The following RAD51B variants were observed in gnomAD, a reference collection of about 807,000 sequenced individuals.
RAD51B encodes RAD51 paralog B.
Under a neutral mutation model 42.2 loss-of-function variants are expected in RAD51B, and 38 were observed. The observed-to-expected ratio is 0.90, with a 90% CI of 0.70 to 1.18. The LOEUF is 1.18. Among genes scored for constraint, RAD51B ranks in the 50% most tolerant of loss-of-function variants. The pLI, the probability that RAD51B is intolerant of heterozygous loss-of-function variation, is 0.00. For synonymous variants in RAD51B, 154 were observed against 145.2 expected (o/e 1.06, Z -0.43); for missense variants, 373 against 400.7 (o/e 0.93, Z 0.59).
intron 7 of RAD51B, among the ~76,000 whole-genome samples, chr14:68,118,921 T>C (rs945666491): frequency 6.6e-6 from 1 of 152,146 alleles, no homozygotes; most frequent in Non-Finnish European, 1.5e-5. Context: ...ATCAGATGCT[T>C]GTGAACACTT....
chr14:68,024,405 A>G (rs2075918756), intron 7 of RAD51B, among the ~76,000 whole-genome samples: 1 of 152,198 alleles, frequency 6.6e-6, no homozygotes, highest in South Asian at 2.1e-4. Flanking sequence ...AATAGCATTG[A>G]ATCTGCAGAT....
intron 7 of RAD51B, among the ~76,000 whole-genome samples, chr14:68,137,096 T>C (rs1317154565): frequency 1.3e-5 from 2 of 152,098 alleles, no homozygotes; most frequent in Non-Finnish European, 2.9e-5. Flanking sequence ...GCCAACATGG[T>C]AAAACTCTGC....
intron 8 of RAD51B, among the ~76,000 whole-genome samples, chr14:68,395,674 T>C (rs1409911161): frequency 6.6e-6 from 1 of 152,182 alleles, no homozygotes; most frequent in Non-Finnish European, 1.5e-5. Context: ...TCCTTTGTCT[T>C]GGACAGAGCC....
At chr14:68,461,359 C>T (rs576578497) in intron 9 of RAD51B, among the ~76,000 whole-genome samples, 28 of 144,692 alleles carry the variant, frequency 1.9e-4, no homozygotes. Flanking sequence ...AAAAAAAGCC[C>T]TTATTTGCTG....
At chr14:68,604,845 G>A (rs959613258) in intron 10 of RAD51B, among the ~76,000 whole-genome samples, 1 of 152,204 alleles carries the variant, frequency 6.6e-6, no homozygotes, top group Non-Finnish European at 1.5e-5. Context: ...GAATGAATGA[G>A]TGAGTGAACT....
intron 4 of RAD51B, among the ~76,000 whole-genome samples, chr14:67,850,257 G>A (rs2139940984): frequency 6.6e-6 from 1 of 152,268 alleles, no homozygotes; most frequent in Non-Finnish European, 1.5e-5. Context: ...TTGGAGTGCT[G>A]GGATGGATTA....
chr14:68,101,781 C>T (rs555710475), intron 7 of RAD51B, among the ~76,000 whole-genome samples: 5 of 152,178 alleles, frequency 3.3e-5, no homozygotes, highest in Non-Finnish European at 7.3e-5. Flanking sequence ...GGACAGTGGC[C>T]CTCTTCTCAC....
At chr14:68,313,433 C>T (rs1436357482) in intron 8 of RAD51B, among the ~76,000 whole-genome samples, 1 of 152,184 alleles carries the variant, frequency 6.6e-6, no homozygotes, top group Non-Finnish European at 1.5e-5. Flanking sequence ...GGGTAGCTTA[C>T]AGGGATGTGT....
intron 5 of RAD51B, 99 bp from the exon 6 acceptor site, chr14:67,885,770 A>G (rs1001781259): frequency 2.8e-6 from 4 of 1,422,238 alleles, no homozygotes; most frequent in Non-Finnish European, 2.8e-6. Flanking sequence ...TCTATTGATA[A>G]GGCTTAGGAG....
intron 7 of RAD51B, among the ~76,000 whole-genome samples, chr14:68,230,026 A>G (rs920140175): frequency 6.6e-6 from 1 of 152,194 alleles, no homozygotes; most frequent in African/African-American, 2.4e-5. Context: ...ACTGAATTCT[A>G]TCCCTGCTCT....
intron 7 of RAD51B, among the ~76,000 whole-genome samples, chr14:68,203,252 T>G (rs2079526175): frequency 6.6e-6 from 1 of 152,198 alleles, no homozygotes; most frequent in Non-Finnish European, 1.5e-5. Context: ...TTGAAATTAT[T>G]CCTCGACACA....
At chr14:68,110,295 G>A (rs879467943) in intron 7 of RAD51B, among the ~76,000 whole-genome samples, 2 of 151,904 alleles carry the variant, frequency 1.3e-5, no homozygotes, top group Non-Finnish European at 2.9e-5. Context: ...GGAAAAAAGT[G>A]GAGGATGAAG....
rs73276214 is a variant in RAD51B, at chr14:68,375,837, G to T, written c.854-35587G>T. On this transcript the variant is annotated intron_variant, in intron 8 of 10. Coordinates refer to ENST00000471583, the MANE Select transcript of RAD51B (RefSeq NM_133510.4). ...TATTTGATAGGATTTTTGAAATGTT[G>T]TCAACAACTTGAATGAAAATCACCA... Among the ~76,000 whole-genome samples the T allele has an allele frequency of 8.8e-3, 1,344 of 152,154 alleles. 20 individuals carry two copies. Among genetic ancestry groups the T allele is most frequent in the African/African-American group, 0.031 (1,304 of 41,482 alleles).
chr14:68,464,725 A>AT (rs2085931320), intron 9 of RAD51B, among the ~76,000 whole-genome samples: 2 of 152,292 alleles, frequency 1.3e-5, no homozygotes, highest in South Asian at 2.1e-4. Context: ...GAAATCAGAT[A>AT]TTTTTTATTG....
chr14:67,910,405 CAAAAAAAAAAAAAAAAAAAA>C (rs576632132), intron 7 of RAD51B, among the ~76,000 whole-genome samples: 3 of 9,040 alleles, frequency 3.3e-4, no homozygotes, highest in Admixed American at 2.2e-3. Flanking sequence ...GACTCTGTCT[CAAAAAAAAAAAAAAAAAAAA>C]AAAAAAAAAA....
chr14:68,018,367 G>A (rs375057664), intron 7 of RAD51B, among the ~76,000 whole-genome samples: 25 of 152,254 alleles, frequency 1.6e-4, no homozygotes, highest in South Asian at 8.3e-4. Flanking sequence ...AATCTGTAGC[G>A]TACCTTGTAG....
chr14:68,178,663 C>A (rs959491312), intron 7 of RAD51B, among the ~76,000 whole-genome samples: 2 of 152,136 alleles, frequency 1.3e-5, no homozygotes, highest in African/African-American at 2.4e-5. Context: ...GTTATAACTT[C>A]TCCCCAGTGC....
chr14:68,675,165 GC>G (rs1241041285), intron 11 of RAD51B, among the ~76,000 whole-genome samples: 2 of 152,160 alleles, frequency 1.3e-5, no homozygotes, highest in African/African-American at 4.8e-5. Context: ...GACAAGCAAG[GC>G]CTCTCCTGCC....
chr14:68,326,038 CTT>C (rs763428544), intron 8 of RAD51B, among the ~76,000 whole-genome samples: 6,400 of 80,410 alleles, frequency 0.08, 272 homozygotes, highest in Non-Finnish European at 0.13. Context: ...TTTTTCTTTT[CTT>C]TTTTTTTTTT....
Sources: allele counts gnomAD v4.1 joint callset (sites outside exome capture counted in the v4.1 genomes callset), GRCh38; gene constraint gnomAD v4.1.1; transcripts MANE v1.5; gene names NCBI Gene and HGNC (gene_info 2026-07-23, HGNC 2026-07-21).